Variants in ITGA7 observed in about 807,000 individuals in gnomAD.
ITGA7 encodes the protein integrin alpha-7.
ITGA7 carries 84 observed loss-of-function variants against 131.6 expected under a neutral mutation model. That is an observed-to-expected ratio of 0.64 (90% CI 0.54 to 0.77). The LOEUF (loss-of-function observed/expected upper bound fraction) is 0.77. ITGA7 is among the 30% of genes least tolerant of loss of function. The probability of loss-of-function intolerance (pLI) is 0.00; values close to 1 mark genes in which losing one functional copy is unlikely to be tolerated. For synonymous variants in ITGA7, 548 were observed against 600.7 expected, an observed-to-expected ratio of 0.91 and a Z score of 1.28; for missense variants, 1,399 against 1,482.9, an observed-to-expected ratio of 0.94 and a Z score of 0.93.
chr12:55,695,489 T>TG, intron 14 of ITGA7, 33 bp downstream of exon 14: 3 of 942,524 alleles, frequency 3.2e-6, no homozygotes, highest in Non-Finnish European at 5.2e-6. Flanking sequence ...ACTCTTGCCC[T>TG]CCCACCCCCA....
At chr12:55,701,308 C>T in intron 3 of ITGA7, 154 bp from the exon 4 acceptor site, 1 of 1,568,196 alleles carries the variant, frequency 6.4e-7, no homozygotes, top group South Asian at 1.1e-5. Context: ...TATGCCGGCA[C>T]CACTCAAGCA....
chr12:55,698,990 A>T, intron 5 of ITGA7, 73 bp from the exon 6 acceptor site: 1 of 1,368,558 alleles, frequency 7.3e-7, no homozygotes, highest in South Asian at 1.2e-5. Context: ...CAGCTCCCCC[A>T]GCCCCTGCCC....
In ITGA7 at chr12:55,703,066, C is replaced by T; in HGVS notation, c.319G>A (p.Asp107Asn). Residue 107 changes from aspartate (D) to asparagine (N), a missense_variant, in exon 2 of 25, where the codon GAC becomes AAC. Asp to Asn is a conservative substitution (Grantham distance 23). Transcript: ENST00000257879. ...AGGGCCACACCTCCCTGGTCGATGT[C>T]CACTCTGTAGCAGTCAGTCTCCTCC... Reference protein sequence around the residue: ...SLEETDCYRVDIDQGADMQKE... With the variant: ...SLEETDCYRVNIDQGADMQKE... The T allele has an allele frequency of 1.9e-6, 3 of 1,614,142 alleles. No homozygotes were observed. Among genetic ancestry groups the T allele is most frequent in the Non-Finnish European group, 2.5e-6 (3 of 1,180,034 alleles).
chr12:55,707,266 C>T (rs78558726), intron 1 of ITGA7, among the ~76,000 whole-genome samples: 1 of 152,270 alleles, frequency 6.6e-6, no homozygotes, highest in Non-Finnish European at 1.5e-5. Context: ...TCCAACTCAT[C>T]CCTAAAGCAA....
chr12:55,696,491 G>A lies in ITGA7; in HGVS notation c.1738-59C>T. On this transcript the variant is annotated intron_variant, in intron 12 of 24. Transcript: ENST00000257879. ...AATCCCCAGGCCTCAGCCCTGCTCA[G>A]TGCCCCAGCCAGACCTAGGACCAAT... 4 of 1,548,428 alleles carry A rather than the reference G, an allele frequency of 2.6e-6. No individual in the cohort carries two copies. The South Asian group carries it at 4.7e-5, about 18-fold the overall frequency.
upstream of ITGA7, chr12:55,716,250 C>G: frequency 1.9e-6 from 3 of 1,559,538 alleles, no homozygotes; most frequent in Non-Finnish European, 2.6e-6. Flanking sequence ...CTAGCTTCAG[C>G]CCGGAGCCTG....
At position 55,688,905 on chromosome 12, in the gene ITGA7, C is replaced by A. The variant is rs1370810116; in HGVS notation, c.2897G>T (p.Ser966Ile). The change falls in exon 22 of 25, where the codon AGC (serine) becomes ATC (isoleucine). Residue 966 changes from serine (S) to isoleucine (I), a missense_variant. By Grantham distance (142) the Ser-to-Ile change is moderately radical. Transcript: ENST00000257879. ...NCVVFSCPLY[S>I]FDRAAVLHVW... ...ATGCAGCACAGCCGCGCGGTCAAAG[C>A]TGTAGAGTGGGCAGCTGAACACCAC... The A allele has an allele frequency of 6.2e-7, 1 of 1,614,070 alleles. No individual in the cohort carries two copies. Among genetic ancestry groups the A allele is most frequent in the Admixed American group, 1.7e-5 (1 of 60,028 alleles).
intron 5 of ITGA7, among the ~76,000 whole-genome samples, 167 bp from the exon 6 acceptor site, chr12:55,699,084 C>G (rs1045834619): frequency 6.6e-6 from 1 of 151,984 alleles, no homozygotes; most frequent in Non-Finnish European, 1.5e-5. Context: ...ATAGGTCCCC[C>G]CAAGTCATCA....
upstream of ITGA7, among the ~76,000 whole-genome samples, chr12:55,710,972 AT>A (rs1270714540): frequency 5.3e-5 from 8 of 152,222 alleles, no homozygotes; most frequent in Non-Finnish European, 8.8e-5. Flanking sequence ...TCTATACAAG[AT>A]ATAAAACTGC....
At position 55,707,604 on chromosome 12, in the gene ITGA7, G is replaced by C; in HGVS notation, c.79C>G (p.Leu27Val). The C allele has an allele frequency of 6.2e-7, 1 of 1,613,162 alleles. No homozygotes were observed. The highest frequency in any genetic ancestry group is 8.5e-7 in the Non-Finnish European group (1 of 1,179,576). Residue 27 changes from leucine (L) to valine (V), a missense_variant, in exon 1 of 25, where the codon CTC (leucine) becomes GTC (valine). Leu to Val is a conservative substitution (Grantham distance 32, BLOSUM62 1). Coordinates refer to ENST00000257879, the MANE Select transcript of ITGA7 (RefSeq NM_002206.3). ...TTGAAGGCGACAGCCCGTGAGAAGA[G>C]CAGTTCGACGAGCAGGGAGCCAAAA... is the stretch of plus-strand genomic sequence containing the variant. ...YLFGSLLVEL[L>V]FSRAVAFNLD...
At chr12:55,692,696 T>C (rs1268874626) in intron 21 of ITGA7, 148 bp downstream of exon 21, 8 of 1,001,260 alleles carry the variant, frequency 8.0e-6, no homozygotes, top group Non-Finnish European at 6.0e-6. Context: ...GCAGTGTCAG[T>C]AGCTGCCTCC....
At position 55,698,816 on chromosome 12, in the gene ITGA7, G is replaced by A. The variant is rs201594532; in HGVS notation, c.892C>T (p.Arg298Cys). ...ANHKGAVVIL[R>C]KDSASRLVPE... is the part of the protein sequence containing the mutation. ...ACCAGGCGACTGGCGCTGTCCTTGCGCAGGATGACCACAGCACCCTTGTGG... is the reference window on the plus strand; with the variant it reads ...ACCAGGCGACTGGCGCTGTCCTTGCACAGGATGACCACAGCACCCTTGTGG... The change falls in exon 6 of 25, where the codon CGC (arginine) becomes TGC (cysteine). Residue 298 changes from arginine to cysteine, a missense_variant. By Grantham distance (180) the Arg-to-Cys change is radical. Transcript: ENST00000257879. The A allele has an allele frequency of 7.9e-5, 127 of 1,614,020 alleles. No homozygotes were observed. In the African/African-American group the frequency reaches 9.5e-4, roughly 12 times the overall value.
intron 21 of ITGA7, among the ~76,000 whole-genome samples, chr12:55,691,321 G>A (rs777931468): frequency 1.7e-4 from 26 of 152,062 alleles, no homozygotes; most frequent in Non-Finnish European, 3.4e-4. Flanking sequence ...GAGGCGGGGT[G>A]TGGCTGGGGA....
chr12:55,697,660 G>A (rs755423629), intron 9 of ITGA7, 35 bp downstream of exon 9: 11 of 1,614,058 alleles, frequency 6.8e-6, no homozygotes, highest in Middle Eastern at 1.6e-4. Context: ...AGGGGCTGAC[G>A]GCCTCAGGGA....
chr12:55,686,661 C>T (rs1870213047), intron 24 of ITGA7, among the ~76,000 whole-genome samples: 1 of 152,140 alleles, frequency 6.6e-6, no homozygotes, highest in Non-Finnish European at 1.5e-5. Flanking sequence ...AGCATATGAC[C>T]CCGGTGATGT....
At chr12:55,688,145 G>A in intron 23 of ITGA7, 49 bp from the exon 24 acceptor site, 1 of 1,614,118 alleles carries the variant, frequency 6.2e-7, no homozygotes, top group Non-Finnish European at 8.5e-7. Context: ...AACAAGAACT[G>A]GAGGGAGCAG....
At chr12:55,695,286 T>A (rs1469707276) in intron 14 of ITGA7, 1 of 600,702 alleles carries the variant, frequency 1.7e-6, no homozygotes, top group African/African-American at 1.9e-5. Context: ...ATGAGATGTA[T>A]GTAGACTGCA....
chr12:55,692,322 A>T (rs1871602916), intron 21 of ITGA7, among the ~76,000 whole-genome samples: 1 of 114,282 alleles, frequency 8.8e-6, no homozygotes, highest in Non-Finnish European at 1.7e-5. Context: ...GAGGCTGAGG[A>T]AGGAGAATCG....
chr12:55,699,997 G>C lies in ITGA7; in HGVS notation c.671-8C>G. 1 of 1,614,070 alleles carries C rather than the reference G, an allele frequency of 6.2e-7. No individual in the cohort carries two copies. Among genetic ancestry groups the C allele is most frequent in the Non-Finnish European group, 8.5e-7 (1 of 1,179,988 alleles). ...TGGTCACAAAAAGCAACCCTGTGGG[G>C]GGTGGGGTGAGACACCAGGGAGGGG... On this transcript the variant is annotated splice_region_variant and splice_polypyrimidine_tract_variant and intron_variant, in intron 4 of 24. Transcript: ENST00000257879.
Sources: allele counts gnomAD v4.1 joint callset (sites outside exome capture counted in the v4.1 genomes callset), GRCh38; gene constraint gnomAD v4.1.1; transcripts MANE v1.5; gene names NCBI Gene and HGNC (gene_info 2026-07-23, HGNC 2026-07-21).